C12orf42: variants seen among roughly 807,000 people sequenced by gnomAD.
C12orf42 encodes the protein uncharacterized protein C12orf42.
In C12orf42, 25 loss-of-function variants were observed where a neutral mutation model predicts 21.6. The ratio of observed to expected loss-of-function variants is 1.16; its 90% CI spans 0.84 to 1.62. The LOEUF is 1.62. Ranked by LOEUF, C12orf42 falls within the 40% of genes most tolerant of loss-of-function variation. C12orf42 has a pLI of 0.00. For synonymous variants in C12orf42, 174 were observed against 175.0 expected, an observed-to-expected ratio of 0.99 and a Z score of 0.05; for missense variants, 483 against 459.3, an observed-to-expected ratio of 1.05 and a Z score of -0.47.
At chr12:103,246,372 T>C (rs1207034816) in intron 10 of C12orf42, among the ~76,000 whole-genome samples, 1 of 152,096 alleles carries the variant, frequency 6.6e-6, no homozygotes, top group African/African-American at 2.4e-5. Context: ...GAAGTTTTGC[T>C]GGATAAACAT....
chr12:103,395,774 T>G (rs1357824075), intron 3 of C12orf42, among the ~76,000 whole-genome samples: 1 of 151,916 alleles, frequency 6.6e-6, no homozygotes, highest in Non-Finnish European at 1.5e-5. Flanking sequence ...GACATCCCAC[T>G]GAATAACTGA....
At chr12:103,494,905 A>T (rs1280951879) in intron 1 of C12orf42, among the ~76,000 whole-genome samples, 1 of 152,224 alleles carries the variant, frequency 6.6e-6, no homozygotes, top group Non-Finnish European at 1.5e-5. Context: ...CAGTTGTCAC[A>T]GGGAGAAGAG....
At chr12:103,434,898 C>A (rs1950561924) in intron 2 of C12orf42, among the ~76,000 whole-genome samples, 1 of 152,228 alleles carries the variant, frequency 6.6e-6, no homozygotes, top group Admixed American at 6.5e-5. Flanking sequence ...TGGAGCCCAC[C>A]ACAGCTCAAG....
At chr12:103,501,908 G>A in the C12orf42 span, among the ~76,000 whole-genome samples, 1 of 151,932 alleles carries the variant, frequency 6.6e-6, no homozygotes, top group Non-Finnish European at 1.5e-5. Flanking sequence ...TTAAAAGTCA[G>A]GAAACCAAAA....
chr12:103,142,165 G>A, the C12orf42 span, among the ~76,000 whole-genome samples: 5 of 152,274 alleles, frequency 3.3e-5, no homozygotes, highest in South Asian at 4.1e-4. Context: ...TAGTTTTGCT[G>A]TTGTTATTTC....
intron 2 of C12orf42, among the ~76,000 whole-genome samples, chr12:103,458,327 G>GA (rs376914288): frequency 0.033 from 4,859 of 145,432 alleles, 263 homozygotes; most frequent in African/African-American, 0.11. Flanking sequence ...TTTCTTTGTA[G>GA]AAAAAAAAAA....
At chr12:103,268,003 A>G (rs904628002), downstream of C12orf42, 3 of 152,182 alleles carry the variant, frequency 2.0e-5, no homozygotes, top group African/African-American at 7.2e-5. Flanking sequence ...AGAAAAACAT[A>G]TAACAAAAAA....
At chr12:103,217,864 C>T in the C12orf42 span, among the ~76,000 whole-genome samples, 24 of 152,146 alleles carry the variant, frequency 1.6e-4, 1 homozygote, top group Non-Finnish European at 5.9e-5. Context: ...TCCCAGGGGT[C>T]CTTGCTAACA....
the C12orf42 span, among the ~76,000 whole-genome samples, chr12:103,201,795 T>C: frequency 6.6e-6 from 1 of 152,304 alleles, no homozygotes; most frequent in South Asian, 2.1e-4. Context: ...GCCAAATGCG[T>C]TGATGTTGTG....
intron 4 of C12orf42, among the ~76,000 whole-genome samples, chr12:103,348,676 G>A (rs2042844201): frequency 6.6e-6 from 1 of 152,104 alleles, no homozygotes; most frequent in Non-Finnish European, 1.5e-5. Context: ...AAAGAGTTTT[G>A]CATCCTTAAT....
the C12orf42 span, among the ~76,000 whole-genome samples, chr12:103,169,713 A>C: frequency 5.3e-5 from 8 of 152,292 alleles, no homozygotes; most frequent in African/African-American, 1.9e-4. Flanking sequence ...GTTTTGGATG[A>C]GATAGGATAT....
chr12:103,306,359 A>AT lies in C12orf42; in HGVS notation c.260-15dup. On this transcript the variant is annotated splice_polypyrimidine_tract_variant and intron_variant, in intron 4 of 5. Transcript: ENST00000548883. ...TTTCTGGAAATACTGTGAAAGGTAA[A>AT]TACATTCGTTTGAAAAATTCACCAA... 6.4e-7 allele frequency: 1 copy of AT among 1,572,814 alleles called. No homozygotes were observed. Among genetic ancestry groups the AT allele is most frequent in the African/African-American group, 1.4e-5 (1 of 73,506 alleles).
the C12orf42 span, among the ~76,000 whole-genome samples, chr12:103,186,366 T>C: frequency 6.6e-6 from 1 of 152,208 alleles, no homozygotes; most frequent in East Asian, 1.9e-4. Flanking sequence ...CTTCTGTTAA[T>C]CTTCCTCATA....
chr12:103,302,075 G>A lies in C12orf42; in HGVS notation c.*33C>T. ...CTGAGCAGGCATTGATTTGAAGATGGGCAGCACTCGCCGAACAATTCCCTC... is the reference window on the plus strand; with the variant it reads ...CTGAGCAGGCATTGATTTGAAGATGAGCAGCACTCGCCGAACAATTCCCTC... On this transcript the variant is annotated 3_prime_UTR_variant, in exon 6 of 6. Transcript: ENST00000548883. 2.5e-6 allele frequency: 4 copies of A among 1,586,036 alleles called. No homozygotes were observed. The highest frequency in any genetic ancestry group is 3.4e-6 in the Non-Finnish European group (4 of 1,165,050).
intron 4 of C12orf42, among the ~76,000 whole-genome samples, chr12:103,311,257 G>A (rs533536357): frequency 6.6e-6 from 1 of 151,970 alleles, no homozygotes; most frequent in Admixed American, 6.6e-5. Context: ...AAGCCACTAG[G>A]TATGATGTTG....
At chr12:103,170,524 C>T in the C12orf42 span, among the ~76,000 whole-genome samples, 53 of 152,012 alleles carry the variant, frequency 3.5e-4, no homozygotes, top group Non-Finnish European at 2.1e-4. Context: ...ACTTACTTGT[C>T]CATTTCTCCT....
At chr12:103,507,179 TATATATA>T in the C12orf42 span, among the ~76,000 whole-genome samples, 1 of 23,684 alleles carries the variant, frequency 4.2e-5, no homozygotes, top group Non-Finnish European at 5.5e-5. Context: ...ATATTTATAT[TATATATA>T]ATATATATAT....
chr12:103,079,030 G>T, the C12orf42 span, among the ~76,000 whole-genome samples: 1 of 152,180 alleles, frequency 6.6e-6, no homozygotes, highest in South Asian at 2.1e-4. Flanking sequence ...AGATATCTGT[G>T]AAGACACCAC....
intron 2 of C12orf42, among the ~76,000 whole-genome samples, chr12:103,434,792 A>T (rs10861008): frequency 6.6e-6 from 1 of 152,024 alleles, no homozygotes; most frequent in South Asian, 2.1e-4. Context: ...GCAGTCTGAG[A>T]TCAAACTGCA....
Sources: allele counts gnomAD v4.1 joint callset (sites outside exome capture counted in the v4.1 genomes callset), GRCh38; gene constraint gnomAD v4.1.1; transcripts MANE v1.5; gene names NCBI Gene and HGNC (gene_info 2026-07-23, HGNC 2026-07-21).